A2ML1: variants seen among roughly 807,000 people sequenced by gnomAD.
A2ML1 encodes the protein alpha-2-macroglobulin like 1.
A neutral mutation model predicts 181.9 loss-of-function variants in A2ML1; 161 were observed. The observed-to-expected ratio is 0.89, with a 90% CI of 0.78 to 1.01. The LOEUF (loss-of-function observed/expected upper bound fraction) is 1.01, where lower values mean the gene tolerates loss of function less well. Ranked by LOEUF, A2ML1 falls within the 50% of genes least tolerant of loss-of-function variation. A2ML1 has a pLI of 0.00. For missense variants in A2ML1, 1,670 were observed against 1,768.1 expected (o/e 0.94, Z 1.00); for synonymous variants, 663 against 666.8 (o/e 0.99, Z 0.09).
chr12:8,826,635 T>G (rs1188584947), intron 3 of A2ML1, among the ~76,000 whole-genome samples: 1 of 151,990 alleles, frequency 6.6e-6, no homozygotes, highest in East Asian at 1.9e-4. Context: ...TGTTTTTTTG[T>G]TTTTTGAGAT....
chr12:8,857,921 C>T lies in A2ML1; in HGVS notation c.3108-25C>T, dbSNP rs749616819. 9.3e-6 allele frequency: 15 copies of T among 1,608,268 alleles called. No individual in the cohort carries two copies. The South Asian group carries it at 1.5e-4, about 17-fold the overall frequency. On this transcript the variant is annotated intron_variant, in intron 25 of 35. Coordinates refer to ENST00000299698, the MANE Select transcript of A2ML1 (RefSeq NM_144670.6). ...CTCACCTGGAAATTCCTCTTCATGC[C>T]ATATTTTCCTCTTTACCCATGTAGG...
intron 2 of A2ML1, 74 bp downstream of exon 2, chr12:8,823,439 TTAAGTA>T (rs1488251267): frequency 1.1e-5 from 16 of 1,455,170 alleles, no homozygotes; most frequent in Non-Finnish European, 1.4e-5. Context: ...ATAATCTACT[TTAAGTA>T]TAATTTCTGT....
intron 3 of A2ML1, among the ~76,000 whole-genome samples, chr12:8,827,325 C>T (rs192520858): frequency 2.2e-4 from 34 of 152,228 alleles, no homozygotes; most frequent in Middle Eastern, 3.4e-3. Flanking sequence ...GGCAACAGAG[C>T]GAGACTGTCT....
intron 21 of A2ML1, 37 bp downstream of exon 21, chr12:8,854,286 G>A (rs369439402): frequency 4.4e-5 from 68 of 1,556,696 alleles, no homozygotes; most frequent in South Asian, 1.7e-4. Context: ...GCAACCAACC[G>A]AGGGATGCTC....
chr12:8,837,416 A>T (rs756948607), intron 7 of A2ML1, 24 bp from the exon 8 acceptor site: 8 of 1,611,372 alleles, frequency 5.0e-6, no homozygotes, highest in Non-Finnish European at 6.8e-6. Flanking sequence ...CCCAACTCTG[A>T]CTCCTTATGC....
At chr12:8,872,783 CAAAA>C (rs570693086) in intron 33 of A2ML1, among the ~76,000 whole-genome samples, 3 of 68,690 alleles carry the variant, frequency 4.4e-5, no homozygotes, top group African/African-American at 4.7e-5. Flanking sequence ...GACTCCATCT[CAAAA>C]AAAAAAAAAA....
intron 23 of A2ML1, among the ~76,000 whole-genome samples, chr12:8,856,255 GTC>G (rs1323720797): frequency 3.9e-5 from 6 of 152,264 alleles, no homozygotes; most frequent in African/African-American, 1.4e-4. Flanking sequence ...CAGTCACAGT[GTC>G]TCTGTTTTGT....
downstream of A2ML1, among the ~76,000 whole-genome samples, chr12:8,877,333 C>T (rs1944822547): frequency 6.6e-6 from 1 of 152,102 alleles, no homozygotes; most frequent in Non-Finnish European, 1.5e-5. Context: ...TAAAAAATGA[C>T]AGATGGGACC....
intron 3 of A2ML1, among the ~76,000 whole-genome samples, chr12:8,828,582 T>C (rs756925925): frequency 2.8e-4 from 42 of 152,128 alleles, no homozygotes; most frequent in Non-Finnish European, 5.0e-4. Flanking sequence ...AGGGCCTGCT[T>C]GGTGCTGTAC....
chr12:8,845,782 G>A (rs754160814), intron 13 of A2ML1, among the ~76,000 whole-genome samples: 29 of 151,426 alleles, frequency 1.9e-4, no homozygotes, highest in African/African-American at 6.1e-4. Flanking sequence ...CCCGGGAGGC[G>A]GAGCTTGCAG....
intron 12 of A2ML1, 183 bp from the exon 13 acceptor site, chr12:8,845,259 C>G: frequency 1.3e-6 from 2 of 1,496,676 alleles, no homozygotes; most frequent in Non-Finnish European, 1.8e-6. Context: ...GAGGAGCCAC[C>G]AGGACCCGTT....
downstream of A2ML1, among the ~76,000 whole-genome samples, chr12:8,879,493 A>G (rs1229807062): frequency 4.7e-5 from 7 of 149,178 alleles, no homozygotes; most frequent in African/African-American, 7.3e-5. Flanking sequence ...TTGGTGTCCA[A>G]AAAAAAAAAG....
intron 3 of A2ML1, among the ~76,000 whole-genome samples, chr12:8,829,135 G>A (rs1943027030): frequency 6.6e-6 from 1 of 152,126 alleles, no homozygotes; most frequent in Non-Finnish European, 1.5e-5. Context: ...CTGATTTTTG[G>A]TTCTTATGAC....
At chr12:8,881,534 A>G, downstream of A2ML1, among the ~76,000 whole-genome samples, 1 of 152,176 alleles carries the variant, frequency 6.6e-6, no homozygotes, top group Admixed American at 6.5e-5. Context: ...ACTTTCCTTC[A>G]TAAGGGGAAA....
At chr12:8,859,012 A>G (rs1944167843) in intron 26 of A2ML1, among the ~76,000 whole-genome samples, 1 of 152,078 alleles carries the variant, frequency 6.6e-6, no homozygotes, top group Non-Finnish European at 1.5e-5. Flanking sequence ...CCCATTTTAC[A>G]GATGAAGAAA....
intron 33 of A2ML1, 116 bp from the exon 34 acceptor site, chr12:8,874,309 C>G (rs1944727961): frequency 4.0e-5 from 30 of 754,854 alleles, no homozygotes; most frequent in South Asian, 3.0e-4. Context: ...AGCCACCGTG[C>G]CTGGCGGGGC....
intron 7 of A2ML1, 119 bp from the exon 8 acceptor site, chr12:8,837,321 G>A: frequency 7.0e-7 from 1 of 1,428,988 alleles, no homozygotes; most frequent in Non-Finnish European, 9.6e-7. Context: ...CACTGGCCCA[G>A]ATTGTCAGAG....
intron 3 of A2ML1, among the ~76,000 whole-genome samples, chr12:8,825,416 ATCTTTTTGCCCGT>A (rs1161522235): frequency 6.6e-6 from 1 of 152,014 alleles, no homozygotes; most frequent in African/African-American, 2.4e-5. Flanking sequence ...GTCTATTCAG[ATCTTTTTGCCCGT>A]TCTTTAATCT....
In A2ML1 at chr12:8,869,170, T is replaced by C; in HGVS notation, c.4188T>C (p.Phe1396=). ...AACCCCTGGTGAAGAAGGTTGAATT[T>C]GGAACTGACACACTTAACATTTACT... ...LQQPLVKKVE[F]GTDTLNIYLD... is the part of the protein sequence containing the mutation. The change falls in exon 33 of 36, where the codon TTT becomes TTC. Residue 1396 remains phenylalanine, a synonymous_variant. Transcript: ENST00000299698. The C allele has an allele frequency of 6.2e-7, 1 of 1,614,168 alleles. No homozygotes were observed. Among genetic ancestry groups the C allele is most frequent in the Non-Finnish European group, 8.5e-7 (1 of 1,180,032 alleles).
Sources: allele counts gnomAD v4.1 joint callset (sites outside exome capture counted in the v4.1 genomes callset), GRCh38; gene constraint gnomAD v4.1.1; transcripts MANE v1.5; gene names NCBI Gene and HGNC (gene_info 2026-07-23, HGNC 2026-07-21).